Variants in DNMT3B observed in about 807,000 individuals in gnomAD.
The protein encoded by DNMT3B is DNA (cytosine-5)-methyltransferase 3B.
In DNMT3B, 37 loss-of-function variants were observed where a neutral mutation model predicts 120.2. The observed-to-expected ratio is 0.31, with a 90% CI of 0.24 to 0.40. The LOEUF (loss-of-function observed/expected upper bound fraction) is 0.40, where lower values mean the gene tolerates loss of function less well. DNMT3B is among the 10% of genes least tolerant of loss of function. The probability of loss-of-function intolerance (pLI) is 1.00; values close to 1 mark genes in which losing one functional copy is unlikely to be tolerated. For synonymous variants in DNMT3B, 412 were observed against 442.8 expected (o/e 0.93, Z 0.87); for missense variants, 878 against 1,137.3 (o/e 0.77, Z 3.28).
At position 32,796,457 on chromosome 20, in the gene DNMT3B, C is replaced by T. The variant is rs1980631840; in HGVS notation, c.1298-333C>T. Reference sequence around the variant, plus strand: ...GCAAGTCCTATCATGAGACAACAAGCCAATTGGAGTCACCACAAAATCCTT... The same window carrying T: ...GCAAGTCCTATCATGAGACAACAAGTCAATTGGAGTCACCACAAAATCCTT... On this transcript the variant is annotated intron_variant, in intron 12 of 22. Transcript: ENST00000328111. 2.0e-5 allele frequency among the ~76,000 whole-genome samples: 3 copies of T among 152,170 alleles called. No individual in the cohort carries two copies. In the South Asian group the frequency reaches 6.2e-4, roughly 32 times the overall value.
intron 19 of DNMT3B, 66 bp downstream of exon 19, chr20:32,801,492 T>C (rs1936934316): frequency 8.7e-6 from 14 of 1,603,372 alleles, no homozygotes; most frequent in Non-Finnish European, 1.2e-5. Context: ...CTGGCAGTGA[T>C]GATTGGTGGG....
At chr20:32,783,088 C>A (rs1362300692) in intron 3 of DNMT3B, among the ~76,000 whole-genome samples, 1 of 151,992 alleles carries the variant, frequency 6.6e-6, no homozygotes, top group Non-Finnish European at 1.5e-5. Flanking sequence ...CCATACCCAG[C>A]CAATTTTTTT....
intron 7 of DNMT3B, among the ~76,000 whole-genome samples, chr20:32,790,707 G>A (rs1979876794): frequency 6.6e-6 from 1 of 151,892 alleles, no homozygotes; most frequent in South Asian, 2.1e-4. Context: ...GGTCCTCACT[G>A]TCACCCAGGC....
At chr20:32,791,811 AC>A in intron 8 of DNMT3B, 103 bp downstream of exon 8, 1 of 1,285,722 alleles carries the variant, frequency 7.8e-7, no homozygotes, top group Admixed American at 1.9e-5. Context: ...TTTGGAGGGG[AC>A]AGGGTGGCCA....
At chr20:32,789,106 A>ATGTG in intron 7 of DNMT3B, 94 bp downstream of exon 7, 1 of 1,557,178 alleles carries the variant, frequency 6.4e-7, no homozygotes, top group Non-Finnish European at 8.7e-7. Context: ...TATTCTGCAG[A>ATGTG]TGTGTGAGCC....
chr20:32,796,971 C>T (rs1240793643), intron 13 of DNMT3B, 102 bp downstream of exon 13: 13 of 1,613,660 alleles, frequency 8.1e-6, no homozygotes, highest in Admixed American at 1.7e-5. Context: ...GAAGCCCACT[C>T]ATCCCAGCTG....
chr20:32,762,759 GA>G, intron 1 of DNMT3B, 60 bp downstream of exon 1: 1 of 155,896 alleles, frequency 6.4e-6, no homozygotes, highest in Non-Finnish European at 1.4e-5. Flanking sequence ...GCTGCTAGGG[GA>G]GGGGACGGCG....
Position 32,784,779 on chromosome 20 carries a change from G to C in DNMT3B, c.226G>C (p.Gly76Arg). 3 of 1,614,056 alleles carry C rather than the reference G, an allele frequency of 1.9e-6. No individual in the cohort carries two copies. Among genetic ancestry groups the C allele is most frequent in the Non-Finnish European group, 2.5e-6 (3 of 1,180,010 alleles). ...AAAGGACTTGACAGGCGATGGCGACGGGGAAGATGGGGATGGCTCTGACAC... is the reference window on the plus strand; with the variant it reads ...AAAGGACTTGACAGGCGATGGCGACCGGGAAGATGGGGATGGCTCTGACAC... The part of the protein sequence containing the change: ...YTQDLTGDGD[G>R]EDGDGSDTPV... Residue 76 changes from glycine to arginine, a missense_variant, in exon 4 of 23, where the codon GGG becomes CGG. Physicochemically the swap from Gly to Arg is moderately radical, Grantham distance 125 (BLOSUM62 -2). Around this residue, in one of 4 missense-constraint regions of DNMT3B, gnomAD observed 287 missense variants for 306.2 expected, o/e 0.94. Coordinates refer to ENST00000328111, the MANE Select transcript of DNMT3B (RefSeq NM_006892.4).
intron 10 of DNMT3B, 132 bp from the exon 11 acceptor site, chr20:32,795,277 A>T: frequency 7.2e-7 from 1 of 1,389,994 alleles, no homozygotes; most frequent in Non-Finnish European, 1.0e-6. Flanking sequence ...GGGGCCATAT[A>T]CATTCAGTGT....
chr20:32,795,768 T>A, intron 12 of DNMT3B, 74 bp downstream of exon 12: 1 of 1,584,420 alleles, frequency 6.3e-7, no homozygotes, highest in East Asian at 2.2e-5. Flanking sequence ...TCCTGGCTCA[T>A]CCACCCTGTC....
chr20:32,768,783 C>T (rs918539558), intron 1 of DNMT3B, among the ~76,000 whole-genome samples: 3 of 152,176 alleles, frequency 2.0e-5, no homozygotes, highest in Non-Finnish European at 4.4e-5. Context: ...GTGATGAAGA[C>T]TTAAGTGTTC....
rs1400750702 is a variant in DNMT3B at position 32,800,301 on chromosome 20, G to C, written c.1905+3G>C. 1 of 1,614,172 alleles carries C rather than the reference G, an allele frequency of 6.2e-7. No homozygotes were observed. Among genetic ancestry groups the C allele is most frequent in the Non-Finnish European group, 8.5e-7 (1 of 1,180,028 alleles). On this transcript the variant is annotated splice_donor_region_variant and intron_variant, in intron 17 of 22. Transcript: ENST00000328111. ...TGAGGAACATCACAAAGAAAAATGT[G>C]AGGGCAGTCTGTACCTTGCGGGCCT...
chr20:32,797,426 A>C (rs1022283395), intron 14 of DNMT3B, 127 bp downstream of exon 14: 2 of 859,722 alleles, frequency 2.3e-6, no homozygotes, highest in Admixed American at 2.6e-5. Context: ...TTTGCCCTGG[A>C]AGCAGCACAC....
At position 32,787,361 on chromosome 20, in the gene DNMT3B, C is replaced by T. The variant is rs746087137; in HGVS notation, c.564C>T (p.Tyr188=). Residue 188 remains tyrosine (Y), a synonymous_variant, in exon 6 of 23, where the codon TAC becomes TAT. Coordinates refer to ENST00000328111, the MANE Select transcript of DNMT3B (RefSeq NM_006892.4). ...HGTPQSSSTP[Y]ARLAQDSQQG... ...CGCCCCAGAGCAGCAGTACCCCCTA[C>T]GCCCGCCTAGCCCAGGACAGCCAGC... The T allele has an allele frequency of 2.4e-5, 38 of 1,614,106 alleles. No homozygotes were observed. Among genetic ancestry groups the T allele is most frequent in the East Asian group, 6.7e-5 (3 of 44,892 alleles).
intron 1 of DNMT3B, among the ~76,000 whole-genome samples, chr20:32,770,551 C>T (rs1191948664): frequency 6.6e-6 from 1 of 152,076 alleles, no homozygotes; most frequent in Non-Finnish European, 1.5e-5. Flanking sequence ...AGGTGAGCCG[C>T]CCACCTTGGC....
At chr20:32,798,890 G>A (rs1811656584) in intron 15 of DNMT3B, among the ~76,000 whole-genome samples, 1 of 152,222 alleles carries the variant, frequency 6.6e-6, no homozygotes, top group African/African-American at 2.4e-5. Context: ...AGAAATGGTT[G>A]TATGTAGCCT....
chr20:32,807,624 C>G (rs1982109976), intron 22 of DNMT3B, 138 bp from the exon 23 acceptor site: 3 of 1,318,494 alleles, frequency 2.3e-6, no homozygotes, highest in Non-Finnish European at 3.2e-6. Flanking sequence ...ATTAAGGGCT[C>G]TGAATTTAGG....
At chr20:32,779,733 A>C in intron 1 of DNMT3B, 1 of 309,150 alleles carries the variant, frequency 3.2e-6, no homozygotes. Context: ...GCGACAGGCC[A>C]GCAGACCAAT....
chr20:32,791,364 G>A (rs1979954472), intron 7 of DNMT3B, among the ~76,000 whole-genome samples: 1 of 152,206 alleles, frequency 6.6e-6, no homozygotes. Context: ...CTTTTCCACA[G>A]TGGAAGTGTC....
Sources: allele counts gnomAD v4.1 joint callset (sites outside exome capture counted in the v4.1 genomes callset), GRCh38; gene constraint gnomAD v4.1.1; regional missense constraint gnomAD v4.1.1; transcripts MANE v1.5; gene names NCBI Gene and HGNC (gene_info 2026-07-23, HGNC 2026-07-21).